ST6GALNAC3: variants seen among roughly 807,000 people sequenced by gnomAD.
ST6GALNAC3 encodes the protein ST6 N-acetylgalactosaminide alpha-2,6-sialyltransferase 3.
Under a neutral mutation model 32.7 loss-of-function variants are expected in ST6GALNAC3, and 25 were observed. The observed-to-expected ratio is 0.76, with a 90% CI of 0.56 to 1.07. The LOEUF (loss-of-function observed/expected upper bound fraction) is 1.07. Ranked by LOEUF, ST6GALNAC3 falls within the 50% of genes least tolerant of loss-of-function variation. ST6GALNAC3 has a pLI of 0.00. For missense variants in ST6GALNAC3, 355 were observed against 382.4 expected (o/e 0.93, Z 0.60); for synonymous variants, 129 against 133.1 (o/e 0.97, Z 0.21).
At chr1:76,242,017 C>T (rs1570552466) in intron 1 of ST6GALNAC3, among the ~76,000 whole-genome samples, 2 of 152,212 alleles carry the variant, frequency 1.3e-5, no homozygotes, top group South Asian at 2.1e-4. Flanking sequence ...ATTGATCATC[C>T]TTACTTTGCA....
intron 1 of ST6GALNAC3, among the ~76,000 whole-genome samples, chr1:76,183,182 A>G (rs1653299840): frequency 6.6e-6 from 1 of 152,168 alleles, no homozygotes; most frequent in Admixed American, 6.5e-5. Context: ...TCTGTACACC[A>G]CTTTAGCTCT....
chr1:76,531,882 T>G (rs1313312694), intron 3 of ST6GALNAC3, among the ~76,000 whole-genome samples: 4 of 152,122 alleles, frequency 2.6e-5, no homozygotes, highest in Admixed American at 6.5e-5. Flanking sequence ...CGGCGCTCCC[T>G]AGGTGTGTCA....
At chr1:76,377,158 C>A (rs1651303477) in intron 2 of ST6GALNAC3, among the ~76,000 whole-genome samples, 1 of 152,072 alleles carries the variant, frequency 6.6e-6, no homozygotes. Flanking sequence ...AGAAGTCATG[C>A]AAAGAAATCT....
intron 3 of ST6GALNAC3, among the ~76,000 whole-genome samples, chr1:76,518,775 G>A (rs1274599100): frequency 6.6e-6 from 1 of 152,066 alleles, no homozygotes; most frequent in Non-Finnish European, 1.5e-5. Context: ...CCTTTAAAGT[G>A]TCATTTAGTG....
At chr1:76,097,500 T>C (rs1476036113) in intron 1 of ST6GALNAC3, among the ~76,000 whole-genome samples, 1 of 152,188 alleles carries the variant, frequency 6.6e-6, no homozygotes, top group Non-Finnish European at 1.5e-5. Context: ...TCTGCCATGA[T>C]TGTAAATTTC....
intron 1 of ST6GALNAC3, among the ~76,000 whole-genome samples, chr1:76,263,014 C>G (rs1389254639): frequency 6.6e-6 from 1 of 152,140 alleles, no homozygotes; most frequent in Non-Finnish European, 1.5e-5. Context: ...GGTAAGGGCT[C>G]TCAGGAACAG....
chr1:76,294,235 A>T, intron 1 of ST6GALNAC3, among the ~76,000 whole-genome samples: 1 of 152,092 alleles, frequency 6.6e-6, no homozygotes, highest in East Asian at 1.9e-4. Flanking sequence ...AATTTCTGAA[A>T]CCCAGGACCA....
At chr1:76,610,030 C>T (rs1365630356) in intron 3 of ST6GALNAC3, among the ~76,000 whole-genome samples, 1 of 152,002 alleles carries the variant, frequency 6.6e-6, no homozygotes, top group Non-Finnish European at 1.5e-5. Context: ...TTGTCTCTGC[C>T]TTCTTTTGGC....
intron 1 of ST6GALNAC3, among the ~76,000 whole-genome samples, chr1:76,225,358 A>C (rs1307264332): frequency 6.6e-6 from 1 of 152,158 alleles, no homozygotes; most frequent in East Asian, 1.9e-4. Context: ...TCCCTTGTGA[A>C]GAATGTATTG....
At chr1:76,126,616 T>G (rs755696826) in intron 1 of ST6GALNAC3, among the ~76,000 whole-genome samples, 5 of 152,198 alleles carry the variant, frequency 3.3e-5, no homozygotes, top group Non-Finnish European at 7.3e-5. Flanking sequence ...GACGCAGCAC[T>G]CAGCAGAACA....
At chr1:76,464,698 C>A (rs1162977379) in intron 3 of ST6GALNAC3, among the ~76,000 whole-genome samples, 2 of 152,210 alleles carry the variant, frequency 1.3e-5, no homozygotes, top group African/African-American at 4.8e-5. Flanking sequence ...TTCTACTTCA[C>A]AAGCATCCTA....
chr1:76,430,872 C>T (rs941354336), intron 3 of ST6GALNAC3, among the ~76,000 whole-genome samples: 1 of 152,190 alleles, frequency 6.6e-6, no homozygotes, highest in Non-Finnish European at 1.5e-5. Context: ...CTTCTTGCCA[C>T]TTGGTTCTGC....
chr1:76,616,334 A>C (rs1420603267), intron 3 of ST6GALNAC3, among the ~76,000 whole-genome samples: 1 of 152,190 alleles, frequency 6.6e-6, no homozygotes, highest in Admixed American at 6.5e-5. Context: ...TTAGAACTGA[A>C]ATTCCTTAGC....
intron 2 of ST6GALNAC3, among the ~76,000 whole-genome samples, chr1:76,323,970 G>A (rs879260233): frequency 4.0e-5 from 6 of 151,720 alleles, no homozygotes; most frequent in South Asian, 2.1e-4. Flanking sequence ...AGTGATTCTC[G>A]TGCCTCAGCC....
At chr1:76,305,710 A>G (rs1389269557) in intron 1 of ST6GALNAC3, among the ~76,000 whole-genome samples, 2 of 152,122 alleles carry the variant, frequency 1.3e-5, no homozygotes, top group Non-Finnish European at 2.9e-5. Flanking sequence ...AGGAGAATAT[A>G]GTCCAGATAG....
chr1:76,097,266 C>T (rs189590635), intron 1 of ST6GALNAC3, among the ~76,000 whole-genome samples: 2 of 152,162 alleles, frequency 1.3e-5, no homozygotes, highest in South Asian at 2.1e-4. Flanking sequence ...GCTGTGTCCT[C>T]ACTCAAATCT....
At chr1:76,424,961 T>C (rs1655269404) in intron 3 of ST6GALNAC3, among the ~76,000 whole-genome samples, 1 of 151,994 alleles carries the variant, frequency 6.6e-6, no homozygotes, top group Admixed American at 6.6e-5. Flanking sequence ...GCAATGCTTA[T>C]ATTCGTAGCT....
intron 1 of ST6GALNAC3, among the ~76,000 whole-genome samples, chr1:76,075,097 C>G (rs1646794757): frequency 6.6e-6 from 1 of 152,256 alleles, no homozygotes; most frequent in Non-Finnish European, 1.5e-5. Context: ...GCCTCCTGCT[C>G]GCGCCTGCAT....
chr1:76,424,339 C>T (rs1305289957), intron 3 of ST6GALNAC3, among the ~76,000 whole-genome samples: 1 of 151,808 alleles, frequency 6.6e-6, no homozygotes, highest in Non-Finnish European at 1.5e-5. Flanking sequence ...GAAAGAGATA[C>T]ATAAAATGTG....
Sources: allele counts gnomAD v4.1 joint callset (sites outside exome capture counted in the v4.1 genomes callset), GRCh38; gene constraint gnomAD v4.1.1; transcripts MANE v1.5; gene names NCBI Gene and HGNC (gene_info 2026-07-23, HGNC 2026-07-21).